The following TRAF2 variants were observed in gnomAD, a reference collection of about 807,000 sequenced individuals.
TRAF2 encodes TNF receptor associated factor 2.
Under a neutral mutation model 55.6 loss-of-function variants are expected in TRAF2, and 6 were observed. That is an observed-to-expected ratio of 0.11 (90% CI 0.06 to 0.21). The LOEUF is 0.21. Ranked by LOEUF, TRAF2 falls within the 10% of genes least tolerant of loss-of-function variation. TRAF2 has a pLI of 1.00. For synonymous variants in TRAF2, 329 were observed against 276.3 expected (o/e 1.19, Z -1.89); for missense variants, 561 against 684.5 (o/e 0.82, Z 2.01).
upstream of TRAF2, among the ~76,000 whole-genome samples, chr9:136,883,060 G>A (rs1175221703): frequency 6.6e-6 from 1 of 152,146 alleles, no homozygotes; most frequent in African/African-American, 2.4e-5. Flanking sequence ...AGTAGAGACG[G>A]GGTTTCACCA....
At chr9:136,893,981 C>T (rs575786834) in intron 1 of TRAF2, among the ~76,000 whole-genome samples, 10 of 150,910 alleles carry the variant, frequency 6.6e-5, no homozygotes, top group Non-Finnish European at 7.4e-5. Flanking sequence ...AACTCCTGAC[C>T]TCGTGATTCT....
At chr9:136,886,668 G>A (rs1849457292) in intron 1 of TRAF2, 127 bp downstream of exon 1, 3 of 648,384 alleles carry the variant, frequency 4.6e-6, no homozygotes, top group Non-Finnish European at 5.8e-6. Context: ...CGGGAGCGGG[G>A]GCGGGAGAGG....
chr9:136,885,657 A>G (rs1849430674), upstream of TRAF2, among the ~76,000 whole-genome samples: 1 of 152,012 alleles, frequency 6.6e-6, no homozygotes, highest in African/African-American at 2.4e-5. Context: ...AGTCCCAGCT[A>G]CTCGGGAGGC....
In TRAF2 at chr9:136,920,449, G is replaced by A; in HGVS notation, c.894G>A (p.Met298Ile). Residue 298 changes from methionine (M) to isoleucine (I), a missense_variant, in exon 8 of 11, where the codon ATG (methionine) becomes ATA (isoleucine). Around this residue, in one of 2 missense-constraint regions of TRAF2, gnomAD observed 426 missense variants for 476.8 expected, o/e 0.89. Coordinates refer to ENST00000247668, the MANE Select transcript of TRAF2 (RefSeq NM_021138.4). ...ACCGGGAGGTGGAGAGGGTGGCCATGACTGCCGAGGCCTGCAGCCGGCAGC... is the reference window on the plus strand; with the variant it reads ...ACCGGGAGGTGGAGAGGGTGGCCATAACTGCCGAGGCCTGCAGCCGGCAGC... Reference protein sequence around the residue: ...VLNREVERVAMTAEACSRQHR... With the variant: ...VLNREVERVAITAEACSRQHR... 1 of 1,613,960 alleles carries A rather than the reference G, an allele frequency of 6.2e-7. No individual in the cohort carries two copies.
intron 6 of TRAF2, among the ~76,000 whole-genome samples, chr9:136,913,548 C>T (rs1210829645): frequency 2.6e-5 from 4 of 151,968 alleles, no homozygotes; most frequent in Non-Finnish European, 4.4e-5. Context: ...CCACCTGCCT[C>T]GGCCTCCCAA....
chr9:136,908,754 C>T (rs1049035994), intron 5 of TRAF2, among the ~76,000 whole-genome samples: 1 of 151,808 alleles, frequency 6.6e-6, no homozygotes, highest in African/African-American at 2.4e-5. Context: ...CCTGCAGTCC[C>T]AGCTACTCAG....
At chr9:136,899,536 GT>G in intron 2 of TRAF2, 57 bp from the exon 3 acceptor site, 1 of 1,533,326 alleles carries the variant, frequency 6.5e-7, no homozygotes, top group Non-Finnish European at 8.9e-7. Flanking sequence ...AGCAAATGGT[GT>G]TTGTTTTTTG....
chr9:136,890,840 G>A (rs1849567082), intron 1 of TRAF2, among the ~76,000 whole-genome samples: 1 of 152,184 alleles, frequency 6.6e-6, no homozygotes. Flanking sequence ...AATGATCCCC[G>A]ACCTTCCAGC....
chr9:136,918,267 T>TATATATATA (rs1850294942), intron 7 of TRAF2, among the ~76,000 whole-genome samples: 1 of 11,912 alleles, frequency 8.4e-5, no homozygotes, highest in African/African-American at 5.3e-4. Flanking sequence ...ATTTATTTAA[T>TATATATATA]TAATTAATTT....
intron 6 of TRAF2, 186 bp downstream of exon 6, chr9:136,910,180 G>A (rs1319684352): frequency 6.2e-6 from 4 of 647,982 alleles, no homozygotes; most frequent in Non-Finnish European, 2.7e-6. Context: ...TGGGCCGGGG[G>A]CCAGGTGGCT....
intron 1 of TRAF2, among the ~76,000 whole-genome samples, chr9:136,896,361 G>A (rs770029474): frequency 6.6e-6 from 1 of 152,206 alleles, no homozygotes; most frequent in Non-Finnish European, 1.5e-5. Flanking sequence ...AGTGGGTTTC[G>A]GGTCCTCATG....
At chr9:136,902,621 G>A (rs929150430) in intron 4 of TRAF2, among the ~76,000 whole-genome samples, 9 of 152,186 alleles carry the variant, frequency 5.9e-5, no homozygotes, top group Non-Finnish European at 4.4e-5. Flanking sequence ...GAGAGGAGCC[G>A]GGTTTGGTCA....
At chr9:136,886,753 C>G (rs895661072) in intron 1 of TRAF2, 4 of 267,888 alleles carry the variant, frequency 1.5e-5, no homozygotes, top group Non-Finnish European at 2.3e-5. Flanking sequence ...CCGAGCGTGG[C>G]TGGCGCGGGA....
At chr9:136,901,595 C>T (rs966326767) in intron 4 of TRAF2, among the ~76,000 whole-genome samples, 1 of 152,142 alleles carries the variant, frequency 6.6e-6, no homozygotes, top group Non-Finnish European at 1.5e-5. Flanking sequence ...ATGGAGGAGA[C>T]AGGGGTCATT....
chr9:136,900,717 C>G lies in TRAF2; in HGVS notation c.366+197C>G, dbSNP rs1175371045. The G allele has an allele frequency of 2.3e-5, 15 of 638,488 alleles. No individual in the cohort carries two copies. In the Admixed American group the frequency reaches 3.4e-4, roughly 14 times the overall value. The allele number at this position is 638,488 out of a possible 1,614,324, so 39.6% of individuals were successfully genotyped here. A position where few individuals can be genotyped will look rare whatever the true frequency, so the allele number is the denominator to read the frequency against. ...AACTCAAGTAGTGCAGAGCACAGAC[C>G]TGCACCATGGAGCTTGGGCTGTGTG... On this transcript the variant is annotated intron_variant, in intron 4 of 10. Coordinates refer to ENST00000247668, the MANE Select transcript of TRAF2 (RefSeq NM_021138.4).
At chr9:136,921,273 C>T (rs1049394911) in intron 9 of TRAF2, 58 bp downstream of exon 9, 12 of 1,601,834 alleles carry the variant, frequency 7.5e-6, no homozygotes, top group Non-Finnish European at 8.5e-6. Context: ...ACCTGGGTCC[C>T]CTCACCCCTG....
chr9:136,889,016 C>T (rs1012073413), intron 1 of TRAF2, among the ~76,000 whole-genome samples: 1 of 152,072 alleles, frequency 6.6e-6, no homozygotes, highest in Admixed American at 6.6e-5. Flanking sequence ...AGGCACCCGC[C>T]ACCACGCCCA....
In TRAF2 at chr9:136,926,493, C is replaced by T. The variant is rs1454141206; in HGVS notation, c.*592C>T. 13 of 227,818 alleles carry T rather than the reference C, an allele frequency of 5.7e-5. No homozygotes were observed. The allele number at this position is 227,818 out of a possible 1,614,324, so 14.1% of individuals were successfully genotyped here. A position where few individuals can be genotyped will look rare whatever the true frequency, so the allele number is the denominator to read the frequency against. ...CTGGCTGTGGGAGAGGGTCTGGTCCCACGCCGCCTCTGCTCAGACCACTGT... is the reference window on the plus strand; with the variant it reads ...CTGGCTGTGGGAGAGGGTCTGGTCCTACGCCGCCTCTGCTCAGACCACTGT... On this transcript the variant is annotated 3_prime_UTR_variant, in exon 11 of 11. Transcript: ENST00000247668.
In TRAF2 at chr9:136,916,615, G is replaced by A. The variant is rs1417496576; in HGVS notation, c.678G>A (p.Thr226=). Reference sequence around the variant, plus strand: ...TCCACGCCATCGGCTGCCTCGAGACGGTGAGTCGGGGGGTCTGAGGTTGGG... The same window carrying A: ...TCCACGCCATCGGCTGCCTCGAGACAGTGAGTCGGGGGGTCTGAGGTTGGG... ...CRFHAIGCLE[T]VEGEKQQEHE... is the part of the protein sequence containing the mutation. The change falls in exon 7 of 11, where the codon ACG becomes ACA. Residue 226 remains threonine, a splice_region_variant and synonymous_variant. Transcript: ENST00000247668. 7 of 1,613,562 alleles carry A rather than the reference G, an allele frequency of 4.3e-6. No individual in the cohort carries two copies. Among genetic ancestry groups the A allele is most frequent in the Middle Eastern group, 1.6e-4 (1 of 6,082 alleles).
Sources: allele counts gnomAD v4.1 joint callset (sites outside exome capture counted in the v4.1 genomes callset), GRCh38; gene constraint gnomAD v4.1.1; regional missense constraint gnomAD v4.1.1; transcripts MANE v1.5; gene names NCBI Gene and HGNC (gene_info 2026-07-23, HGNC 2026-07-21).